The following WDR64 variants were observed in gnomAD, a reference collection of about 807,000 sequenced individuals.
The protein encoded by WDR64 is WD repeat domain 64.
A neutral mutation model predicts 139.3 loss-of-function variants in WDR64; 112 were observed. That is an observed-to-expected ratio of 0.80 (90% confidence interval 0.69 to 0.94). The LOEUF is 0.94. WDR64 is among the 40% of genes least tolerant of loss of function. The pLI, the probability that WDR64 is intolerant of heterozygous loss-of-function variation, is 0.00. For synonymous variants in WDR64, 444 were observed against 437.7 expected (o/e 1.01, Z -0.18); for missense variants, 1,206 against 1,293.1 (o/e 0.93, Z 1.03).
intron 9 of WDR64, among the ~76,000 whole-genome samples, chr1:241,716,988 T>C (rs1374125304): frequency 6.6e-6 from 1 of 152,188 alleles, no homozygotes; most frequent in Non-Finnish European, 1.5e-5. Flanking sequence ...ATATAGCCTA[T>C]TGCCAGCCTC....
intron 1 of WDR64, among the ~76,000 whole-genome samples, chr1:241,657,332 A>C (rs917131527): frequency 1.3e-5 from 2 of 151,992 alleles, no homozygotes; most frequent in African/African-American, 4.8e-5. Flanking sequence ...TGTGCTTTAA[A>C]ATTTTTTAAG....
chr1:241,753,456 C>A (rs924186109), intron 14 of WDR64, among the ~76,000 whole-genome samples: 7 of 152,158 alleles, frequency 4.6e-5, no homozygotes, highest in African/African-American at 1.7e-4. Flanking sequence ...GTAATCTCAG[C>A]AGTTTGGAAG....
chr1:241,739,984 A>G (rs1669472223), intron 11 of WDR64, among the ~76,000 whole-genome samples: 1 of 152,208 alleles, frequency 6.6e-6, no homozygotes, highest in Non-Finnish European at 1.5e-5. Context: ...TGTTATCATT[A>G]TTACTTTTAT....
At chr1:241,766,479 T>C in intron 16 of WDR64, 128 bp downstream of exon 16, 1 of 1,036,284 alleles carries the variant, frequency 9.6e-7, no homozygotes, top group Non-Finnish European at 1.4e-6. Context: ...GGGAGGAGGA[T>C]CACTTAAGGC....
chr1:241,752,880 C>T (rs892901838), intron 14 of WDR64, among the ~76,000 whole-genome samples: 1 of 152,074 alleles, frequency 6.6e-6, no homozygotes, highest in Non-Finnish European at 1.5e-5. Flanking sequence ...AAACAAACCA[C>T]TGTCAATAAC....
intron 2 of WDR64, among the ~76,000 whole-genome samples, chr1:241,668,873 C>G (rs900520817): frequency 6.6e-6 from 1 of 151,102 alleles, no homozygotes; most frequent in African/African-American, 2.4e-5. Flanking sequence ...GCACTCCAGC[C>G]TGGGTGACAG....
chr1:241,801,344 T>C lies in WDR64; in HGVS notation c.*129T>C, dbSNP rs1298756022. 4 of 766,076 alleles carry C rather than the reference T, an allele frequency of 5.2e-6. No individual in the cohort carries two copies. Among genetic ancestry groups the C allele is most frequent in the African/African-American group, 3.5e-5 (2 of 57,772 alleles). 47.5% of individuals were successfully genotyped at this position (766,076 alleles called of 1,614,324 possible). On this transcript the variant is annotated 3_prime_UTR_variant, in exon 28 of 28. Coordinates refer to ENST00000437684, the MANE Select transcript of WDR64 (RefSeq NM_001367482.1). ...TCATCTCTGGTGTCAGGCCATCCTA[T>C]TGATGGGAAAGATTGCTTAGGGAGT...
rs376941581 is a variant in WDR64, at chr1:241,779,095, TCTTTATTTCTCCTTTA to T, written c.2537-904_2537-889del. On this transcript the variant is annotated intron_variant, in intron 21 of 27. Coordinates refer to ENST00000437684, the MANE Select transcript of WDR64 (RefSeq NM_001367482.1). ...CTCAATTTTTGTTTGTCTGAGAAAG[TCTTTATTTCTCCTTTA>T]CTTTTGAAGGTTAATTTTGCAAAGT... Among the ~76,000 whole-genome samples, 674 of 152,216 alleles carry T rather than the reference TCTTTATTTCTCCTTTA, an allele frequency of 4.4e-3. 1 individual carries two copies. Among genetic ancestry groups the T allele is most frequent in the South Asian group, 0.015 (70 of 4,818 alleles).
intron 15 of WDR64, 107 bp from the exon 16 acceptor site, chr1:241,766,111 A>G (rs1658154055): frequency 2.0e-6 from 2 of 1,013,866 alleles, no homozygotes; most frequent in Admixed American, 6.1e-5. Context: ...TATATATAAT[A>G]AGGCATTTTG....
At chr1:241,686,892 T>C (rs536303276) in intron 7 of WDR64, among the ~76,000 whole-genome samples, 1 of 152,342 alleles carries the variant, frequency 6.6e-6, no homozygotes, top group South Asian at 2.1e-4. Context: ...AAATCAATAG[T>C]GCCATTATTG....
At chr1:241,671,287 T>G in intron 3 of WDR64, 111 bp downstream of exon 3, 1 of 776,016 alleles carries the variant, frequency 1.3e-6, no homozygotes, top group Non-Finnish European at 2.0e-6. Flanking sequence ...ATTTGTTCAA[T>G]ACTTTATCAC....
intron 9 of WDR64, among the ~76,000 whole-genome samples, chr1:241,719,332 G>A (rs183782114): frequency 6.6e-6 from 1 of 152,208 alleles, no homozygotes; most frequent in East Asian, 1.9e-4. Context: ...ACAACAACAA[G>A]TCCTGTCCTC....
chr1:241,716,918 G>C (rs1193026042), intron 9 of WDR64, among the ~76,000 whole-genome samples: 1 of 152,170 alleles, frequency 6.6e-6, no homozygotes, highest in Non-Finnish European at 1.5e-5. Flanking sequence ...TTTCTCAGGT[G>C]GCAGATCTCT....
intron 10 of WDR64, among the ~76,000 whole-genome samples, chr1:241,732,486 AC>A (rs1230801012): frequency 1.3e-5 from 2 of 152,166 alleles, no homozygotes; most frequent in Non-Finnish European, 2.9e-5. Flanking sequence ...TATAAATCAG[AC>A]ATTCTGCTCT....
At chr1:241,762,436 G>C (rs1428867169) in intron 15 of WDR64, among the ~76,000 whole-genome samples, 1 of 152,134 alleles carries the variant, frequency 6.6e-6, no homozygotes, top group African/African-American at 2.4e-5. Flanking sequence ...CATGTCTGAG[G>C]GATGAAGTGT....
intron 23 of WDR64, among the ~76,000 whole-genome samples, chr1:241,784,122 G>C (rs961182278): frequency 6.6e-6 from 1 of 152,222 alleles, no homozygotes; most frequent in African/African-American, 2.4e-5. Context: ...CTAGCTAACT[G>C]TGTGGGCTTG....
chr1:241,752,407 CCCT>C (rs1442458152), intron 14 of WDR64, among the ~76,000 whole-genome samples: 1 of 152,008 alleles, frequency 6.6e-6, no homozygotes, highest in Non-Finnish European at 1.5e-5. Flanking sequence ...ATCTCCTTCT[CCCT>C]CATGTCCTCA....
In WDR64 at chr1:241,768,530, T is replaced by C. The variant is rs904052976; in HGVS notation, c.2082-874T>C. ...TGCTAATTAATAATCCACTTCATGA[T>C]TCAGCTCATCTGCACAACAGAAATC... On this transcript the variant is annotated intron_variant, in intron 16 of 27. Coordinates refer to ENST00000437684, the MANE Select transcript of WDR64 (RefSeq NM_001367482.1). Among the ~76,000 whole-genome samples the C allele has an allele frequency of 5.9e-5, 9 of 152,338 alleles. No homozygotes were observed. The South Asian group carries it at 6.2e-4, about 11-fold the overall frequency.
At position 241,757,251 on chromosome 1, in the gene WDR64, C is replaced by T. The variant is rs571691672; in HGVS notation, c.1771-32C>T. 104 of 1,580,204 alleles carry T rather than the reference C, an allele frequency of 6.6e-5. No individual in the cohort carries two copies. The East Asian group carries it at 2.1e-3, about 32-fold the overall frequency. On this transcript the variant is annotated intron_variant, in intron 14 of 27. Transcript: ENST00000437684. ...AACAGTTCAAAATAAAATAATTGAA[C>T]TTTTCATGCACTCACTGGATTTCTG... is the stretch of plus-strand genomic sequence containing the variant.
Sources: gnomAD v4.1 joint callset for allele counts (sites outside exome capture counted in the v4.1 genomes callset) on GRCh38, gnomAD v4.1.1 for gene constraint, MANE v1.5 for transcripts, NCBI Gene and HGNC (gene_info 2026-07-23, HGNC 2026-07-21) for gene names.